The following OFD1 variants were observed in gnomAD, a reference collection of about 807,000 sequenced individuals.
OFD1 encodes OFD1 centriole and centriolar satellite protein.
A neutral mutation model predicts 81.4 loss-of-function variants in OFD1; 12 were observed. The ratio of observed to expected loss-of-function variants is 0.15; its 90% CI spans 0.09 to 0.24. OFD1 has a LOEUF of 0.24. Ranked by LOEUF, OFD1 falls within the 10% of genes least tolerant of loss-of-function variation. The pLI is 1.00. For missense variants in OFD1, 685 were observed against 733.9 expected (o/e 0.93, Z 0.77); for synonymous variants, 256 against 263.7 (o/e 0.97, Z 0.28).
At chrX:13,725,501 T>C in the OFD1 span, among the ~76,000 whole-genome samples, 2 of 112,309 alleles carry the variant, frequency 1.8e-5, no homozygotes, top group African/African-American at 6.5e-5. Flanking sequence ...CCAACAGACC[T>C]GCAGCTGAGG....
chrX:13,718,432 AAGTG>A, the OFD1 span, among the ~76,000 whole-genome samples: 2 of 112,965 alleles, frequency 1.8e-5, no homozygotes, highest in Non-Finnish European at 3.7e-5. Context: ...CGCTTTAAGA[AAGTG>A]AGTGGTAGCA....
chrX:13,721,713 A>C, the OFD1 span: 1 of 104,531 alleles, frequency 9.6e-6, no homozygotes, highest in African/African-American at 3.5e-5. Flanking sequence ...GGCCATGACT[A>C]TGGAAGAAAA....
chrX:13,746,920 G>A lies in OFD1; in HGVS notation c.795G>A (p.Lys265=), dbSNP rs745443262. 38 of 1,209,689 alleles carry A rather than the reference G, an allele frequency of 3.1e-5. No homozygotes were observed. In the East Asian group the frequency reaches 6.5e-4, roughly 21 times the overall value. The change falls in exon 8 of 23, where the codon AAG becomes AAA. Residue 265 remains lysine (K), a synonymous_variant. Transcript: ENST00000340096. ...AKSEALVLRE[K]STLERIHKHQ... ...CTGAAGCTCTCGTTCTTCGGGAAAAGAGTACCCTTGAAAGAATTCACAAGC... is the reference window on the plus strand; with the variant it reads ...CTGAAGCTCTCGTTCTTCGGGAAAAAAGTACCCTTGAAAGAATTCACAAGC...
At position 13,757,716 on chromosome X, in the gene OFD1, G is replaced by A. The variant is rs1454731121; in HGVS notation, c.1468G>A (p.Glu490Lys). 4.1e-6 allele frequency: 5 copies of A among 1,207,633 alleles called. No individual in the cohort carries two copies. In the Admixed American group the frequency reaches 6.6e-5, roughly 16 times the overall value. ...AVFQKELRKA[E>K]KAIVVEHEEF... ...CTTTCAGAAAGAACTACGGAAAGCCGAAAAGGCTATAGTGGTTGAGCATGA... is the reference window on the plus strand; with the variant it reads ...CTTTCAGAAAGAACTACGGAAAGCCAAAAAGGCTATAGTGGTTGAGCATGA... The change falls in exon 14 of 23, where the codon GAA becomes AAA. Residue 490 changes from glutamate to lysine, a missense_variant. Around this residue, in one of 3 missense-constraint regions of OFD1, gnomAD observed 414 missense variants for 447.2 expected, o/e 0.93. Transcript: ENST00000340096.
At chrX:13,744,373 G>A in intron 5 of OFD1, 42 bp from the exon 6 acceptor site, 1 of 744,371 alleles carries the variant, frequency 1.3e-6, no homozygotes, top group Non-Finnish European at 2.1e-6. Flanking sequence ...CTGAGCAGTG[G>A]TTGAAAGTTC....
Position 13,746,454 on chromosome X carries a change from A to C in OFD1, c.653A>C (p.Lys218Thr). The C allele has an allele frequency of 8.3e-7, 1 of 1,209,292 alleles. No homozygotes were observed. Among genetic ancestry groups the C allele is most frequent in the Non-Finnish European group, 1.1e-6 (1 of 893,105 alleles). Residue 218 changes from lysine to threonine, a missense_variant and splice_region_variant, in exon 7 of 23, where the codon AAG becomes ACG. Coordinates refer to ENST00000340096, the MANE Select transcript of OFD1 (RefSeq NM_003611.3). ...CAACTTCGGGCAGAAATGTGTCAAA[A>C]GGTAAGCTTTATCTTGTTACTGTAA... is the stretch of plus-strand genomic sequence containing the variant. ...EEQLRAEMCQ[K>T]LKFFKDTEIA... is the part of the protein sequence containing the mutation.
chrX:13,760,781 G>A (rs1043318732), intron 16 of OFD1, 61 bp downstream of exon 16: 19 of 1,186,270 alleles, frequency 1.6e-5, no homozygotes, highest in Non-Finnish European at 2.2e-5. Flanking sequence ...CCCTGCCCAC[G>A]ACACAGGGTT....
At position 13,762,460 on chromosome X, in the gene OFD1, A is replaced by G; in HGVS notation, c.2488+16A>G. The G allele has an allele frequency of 2.0e-6, 2 of 990,292 alleles. No individual in the cohort carries two copies. The highest frequency in any genetic ancestry group is 2.9e-6 in the Non-Finnish European group (2 of 694,156). 81.6% of individuals were successfully genotyped at this position (990,292 alleles called of 1,213,427 possible). A position where few individuals can be genotyped will look rare whatever the true frequency, so the allele number is the denominator to read the frequency against. ...TCTTTTGAATGTAAGTTCAAATATA[A>G]ATACCAGTTTTTATATGTTGAAAAT... On this transcript the variant is annotated intron_variant, in intron 18 of 22. Transcript: ENST00000340096.
At chrX:13,753,130 G>A (rs996792503) in intron 10 of OFD1, 9 of 1,007,574 alleles carry the variant, frequency 8.9e-6, no homozygotes, top group African/African-American at 5.9e-5. Flanking sequence ...ATAACACGAC[G>A]CTTCATTTTG....
chrX:13,721,481 C>T, the OFD1 span: 4 of 111,787 alleles, frequency 3.6e-5, no homozygotes, highest in Non-Finnish European at 5.6e-5. Context: ...CTTCTCAACA[C>T]GGAGTGGAAA....
At chrX:13,746,585 T>A in intron 7 of OFD1, 130 bp downstream of exon 7, 1 of 854,994 alleles carries the variant, frequency 1.2e-6, no homozygotes, top group East Asian at 3.3e-5. Flanking sequence ...TTGTGCAAAT[T>A]TTTTTTTATT....
the OFD1 span, among the ~76,000 whole-genome samples, chrX:13,725,302 G>T: frequency 8.0e-5 from 9 of 112,716 alleles, no homozygotes; most frequent in Non-Finnish European, 1.7e-4. Flanking sequence ...TCCTCAAGGG[G>T]GTCCCTGACC....
chrX:13,740,179 C>G, intron 5 of OFD1: 1 of 966,577 alleles, frequency 1.0e-6, no homozygotes, highest in Non-Finnish European at 1.3e-6. Flanking sequence ...CTGGACTGCC[C>G]GCAAACTAGA....
chrX:13,745,131 T>C (rs921630621), intron 6 of OFD1, among the ~76,000 whole-genome samples: 2 of 112,304 alleles, frequency 1.8e-5, no homozygotes, highest in Non-Finnish European at 3.8e-5. Context: ...CCTTCCTTAC[T>C]CTTAAATGGT....
At chrX:13,755,821 T>A (rs2047679785) in intron 12 of OFD1, among the ~76,000 whole-genome samples, 1 of 111,721 alleles carries the variant, frequency 9.0e-6, no homozygotes, top group Non-Finnish European at 1.9e-5. Flanking sequence ...ATTTTGTATA[T>A]GAAATTTATT....
In OFD1 at chrX:13,769,143, G is replaced by T. The variant is rs770093830; in HGVS notation, c.*35G>T. ...CTGCCCAGCTTCTAACTTACATACC[G>T]TGAGAAGTTACGTAACATTTACTCC... On this transcript the variant is annotated 3_prime_UTR_variant, in exon 23 of 23. Transcript: ENST00000340096. The T allele has an allele frequency of 1.9e-6, 2 of 1,080,031 alleles. No homozygotes were observed. Among genetic ancestry groups the T allele is most frequent in the Non-Finnish European group, 2.6e-6 (2 of 776,162 alleles). The allele number at this position is 1,080,031 out of a possible 1,213,427, so 89.0% of individuals were successfully genotyped here.
chrX:13,721,752 G>A, the OFD1 span: 2 of 98,825 alleles, frequency 2.0e-5, no homozygotes, highest in Non-Finnish European at 4.0e-5. Context: ...GCATGATGAC[G>A]TAAGATTTAA....
Position 13,763,740 on chromosome X carries a change from TGCA to T in OFD1, c.2489-2_2489del, listed in dbSNP as rs1242456423. 4 of 1,200,955 alleles carry T rather than the reference TGCA, an allele frequency of 3.3e-6. No individual in the cohort carries two copies. Among genetic ancestry groups the T allele is most frequent in the Non-Finnish European group, 4.5e-6 (4 of 885,677 alleles). ...GGACTCATGGGACAATTGTGCCTCA[TGCA>T]GCTGCAGGGAACATGCCAAGGCAGT... On this transcript the variant is annotated splice_acceptor_variant and splice_polypyrimidine_tract_variant and intron_variant, in intron 18 of 22. Coordinates refer to ENST00000340096, the MANE Select transcript of OFD1 (RefSeq NM_003611.3). LOFTEE classifies it high-confidence loss of function.
chrX:13,716,824 A>C, the OFD1 span: 20 of 556,320 alleles, frequency 3.6e-5, no homozygotes, highest in Non-Finnish European at 5.4e-5. Context: ...TGAGACTTAT[A>C]AAAGATCTGT....
Sources: allele counts gnomAD v4.1 joint callset (sites outside exome capture counted in the v4.1 genomes callset), GRCh38; gene constraint gnomAD v4.1.1; regional missense constraint gnomAD v4.1.1; transcripts MANE v1.5; gene names NCBI Gene and HGNC (gene_info 2026-07-23, HGNC 2026-07-21).